Variants in ATP6V0D2 observed in about 807,000 individuals in gnomAD.
ATP6V0D2 encodes the protein ATPase H+ transporting V0 subunit d2.
In ATP6V0D2, 40 loss-of-function variants were observed where a neutral mutation model predicts 40.0. The ratio of observed to expected loss-of-function variants is 1.00; its 90% CI spans 0.78 to 1.30. ATP6V0D2 has a LOEUF of 1.30. Among genes scored for constraint, ATP6V0D2 ranks in the 50% most tolerant of loss-of-function variants. The pLI is 0.00. For synonymous variants in ATP6V0D2, 179 were observed against 156.3 expected (o/e 1.15, Z -1.08); for missense variants, 470 against 423.1 (o/e 1.11, Z -0.97).
At position 86,153,181 on chromosome 8, in the gene ATP6V0D2, C is replaced by A; in HGVS notation, c.*204C>A. ...TTTCAGTGGTATTAGATCTTGTTTC[C>A]ACATGTCTGTCTCATTCTTCACTGG... On this transcript the variant is annotated 3_prime_UTR_variant, in exon 8 of 8. Coordinates refer to ENST00000285393, the MANE Select transcript of ATP6V0D2 (RefSeq NM_152565.1). 2.6e-6 allele frequency: 1 copy of A among 388,650 alleles called. No homozygotes were observed. Among genetic ancestry groups the A allele is most frequent in the Non-Finnish European group, 4.4e-6 (1 of 224,734 alleles). The allele number at this position is 388,650 out of a possible 1,614,324, so 24.1% of individuals were successfully genotyped here.
chr8:86,144,946 G>T (rs1234874258), intron 5 of ATP6V0D2, among the ~76,000 whole-genome samples: 1 of 151,244 alleles, frequency 6.6e-6, no homozygotes, highest in Admixed American at 6.6e-5. Flanking sequence ...CCTGAGGTTG[G>T]GAGTTCGAGA....
chr8:86,113,044 G>T (rs1818544602), intron 1 of ATP6V0D2, among the ~76,000 whole-genome samples: 2 of 151,876 alleles, frequency 1.3e-5, no homozygotes, highest in African/African-American at 2.4e-5. Flanking sequence ...AAGTTGGGAT[G>T]GAGCATTTGT....
intron 2 of ATP6V0D2, among the ~76,000 whole-genome samples, chr8:86,124,023 T>C (rs1294457464): frequency 2.0e-5 from 3 of 152,168 alleles, no homozygotes; most frequent in South Asian, 2.1e-4. Flanking sequence ...GTTTCAACAA[T>C]CAAATTTCTA....
At chr8:86,141,309 C>G (rs1037261542) in intron 3 of ATP6V0D2, 141 bp from the exon 4 acceptor site, 8 of 558,402 alleles carry the variant, frequency 1.4e-5, no homozygotes, top group Non-Finnish European at 2.2e-5. Context: ...ACTATTAGCC[C>G]TATTTAGTGG....
At position 86,153,281 on chromosome 8, in the gene ATP6V0D2, A is replaced by C; in HGVS notation, c.*304A>C. The stretch of plus-strand genomic sequence containing the variant: ...TTTGATCATGTTAAAAATTGGACCT[A>C]ATAAAAGTATTTTATTCTTGCTTTT... On this transcript the variant is annotated 3_prime_UTR_variant, in exon 8 of 8. Coordinates refer to ENST00000285393, the MANE Select transcript of ATP6V0D2 (RefSeq NM_152565.1). The C allele has an allele frequency of 5.3e-6, 1 of 187,552 alleles. No individual in the cohort carries two copies. The highest frequency in any genetic ancestry group is 1.1e-5 in the Non-Finnish European group (1 of 91,844). The allele number at this position is 187,552 out of a possible 1,614,324, so 11.6% of individuals were successfully genotyped here. A position where few individuals can be genotyped will look rare whatever the true frequency, so the allele number is the denominator to read the frequency against.
At position 86,126,262 on chromosome 8, in the gene ATP6V0D2, A is replaced by ATATATATATATATATATATC. The variant is rs1191399026; in HGVS notation, c.302+12383_302+12384insATATATATATATATATATCT. 1.7e-4 allele frequency among the ~76,000 whole-genome samples: 22 copies of ATATATATATATATATATATC among 131,330 alleles called. 1 individual carries two copies. Among genetic ancestry groups the ATATATATATATATATATATC allele is most frequent in the Non-Finnish European group, 2.8e-4 (17 of 60,414 alleles). 86.2% of individuals were successfully genotyped at this position (131,330 alleles called of 152,430 possible). A position where few individuals can be genotyped will look rare whatever the true frequency, so the allele number is the denominator to read the frequency against. On this transcript the variant is annotated intron_variant, in intron 2 of 7. Coordinates refer to ENST00000285393, the MANE Select transcript of ATP6V0D2 (RefSeq NM_152565.1). ...TATATATATATATATATATATATATATCTTTTTGTATATAGTATAAAGTTC... is the reference window on the plus strand; with the variant it reads ...TATATATATATATATATATATATATATATATATATATATATATATCTCTTTTTGTATATAGTATAAAGTTC...
At chr8:86,128,155 TGGCCAA>T (rs1818771390) in intron 2 of ATP6V0D2, among the ~76,000 whole-genome samples, 1 of 152,116 alleles carries the variant, frequency 6.6e-6, no homozygotes, top group African/African-American at 2.4e-5. Context: ...GAGACCAGCC[TGGCCAA>T]CATGGTGAAA....
intron 2 of ATP6V0D2, among the ~76,000 whole-genome samples, chr8:86,132,297 T>C (rs937787022): frequency 1.3e-5 from 2 of 152,186 alleles, no homozygotes; most frequent in African/African-American, 4.8e-5. Context: ...TCAGGGTATC[T>C]GAGGAGTCTA....
intron 1 of ATP6V0D2, among the ~76,000 whole-genome samples, chr8:86,099,442 A>G (rs1818363673): frequency 6.6e-6 from 1 of 152,172 alleles, no homozygotes; most frequent in African/African-American, 2.4e-5. Context: ...ATACCTTGAA[A>G]TGTCATGTAT....
In ATP6V0D2 at chr8:86,148,865, A is replaced by G. The variant is rs552711580; in HGVS notation, c.640-1247A>G. 7.9e-5 allele frequency among the ~76,000 whole-genome samples: 12 copies of G among 151,902 alleles called. No individual in the cohort carries two copies. In the South Asian group the frequency reaches 2.5e-3, roughly 32 times the overall value. ...GGACAGAGGCTTTCTTGAGCCTAGGAGTTCAAGACCAACCTGGGCATTATG... is the reference window on the plus strand; with the variant it reads ...GGACAGAGGCTTTCTTGAGCCTAGGGGTTCAAGACCAACCTGGGCATTATG... On this transcript the variant is annotated intron_variant, in intron 5 of 7. Coordinates refer to ENST00000285393, the MANE Select transcript of ATP6V0D2 (RefSeq NM_152565.1).
chr8:86,139,407 C>T, intron 2 of ATP6V0D2, 50 bp from the exon 3 acceptor site: 1 of 1,511,230 alleles, frequency 6.6e-7, no homozygotes, highest in Non-Finnish European at 9.0e-7. Flanking sequence ...TGGGATGCTT[C>T]TTATCCTTTT....
intron 1 of ATP6V0D2, among the ~76,000 whole-genome samples, chr8:86,109,629 A>G (rs899636923): frequency 5.9e-5 from 9 of 152,224 alleles, no homozygotes; most frequent in African/African-American, 2.2e-4. Flanking sequence ...GTTTTGAAAG[A>G]AATACCATTT....
intron 2 of ATP6V0D2, among the ~76,000 whole-genome samples, chr8:86,120,704 C>A (rs1818658196): frequency 6.6e-6 from 1 of 152,160 alleles, no homozygotes; most frequent in Non-Finnish European, 1.5e-5. Flanking sequence ...TACACAAGAA[C>A]CCTGCAAAAC....
intron 1 of ATP6V0D2, among the ~76,000 whole-genome samples, chr8:86,108,109 C>T (rs1382366673): frequency 1.3e-5 from 2 of 152,102 alleles, no homozygotes; most frequent in African/African-American, 4.8e-5. Context: ...TATGCTGGCT[C>T]TTTACCTACC....
chr8:86,139,105 G>A (rs1316805000), intron 2 of ATP6V0D2, among the ~76,000 whole-genome samples: 3 of 151,880 alleles, frequency 2.0e-5, no homozygotes, highest in Non-Finnish European at 4.4e-5. Context: ...GTGAGAGCTT[G>A]TAATCCCAGC....
At chr8:86,130,138 C>T (rs547019297) in intron 2 of ATP6V0D2, among the ~76,000 whole-genome samples, 2 of 152,150 alleles carry the variant, frequency 1.3e-5, no homozygotes, top group Non-Finnish European at 2.9e-5. Flanking sequence ...GATATTTTTT[C>T]AGCTGTTTCC....
At chr8:86,114,959 T>C (rs1818574400) in intron 2 of ATP6V0D2, among the ~76,000 whole-genome samples, 1 of 151,992 alleles carries the variant, frequency 6.6e-6, no homozygotes, top group Non-Finnish European at 1.5e-5. Context: ...AAAATATCAA[T>C]GAAAAAATGC....
At position 86,139,440 on chromosome 8, in the gene ATP6V0D2, G is replaced by C. The variant is rs937458980; in HGVS notation, c.303-17G>C. 3.1e-6 allele frequency: 5 copies of C among 1,587,876 alleles called. No homozygotes were observed. In the African/African-American group the frequency reaches 5.4e-5, roughly 17 times the overall value. ...TTTGCAGCTGTCCTCTAATGATTGA[G>C]TTGTCTTCTGAACCAGGTGCAGTTA... is the stretch of plus-strand genomic sequence containing the variant. On this transcript the variant is annotated splice_polypyrimidine_tract_variant and intron_variant, in intron 2 of 7. Coordinates refer to ENST00000285393, the MANE Select transcript of ATP6V0D2 (RefSeq NM_152565.1).
At chr8:86,105,737 C>A (rs541985692) in intron 1 of ATP6V0D2, among the ~76,000 whole-genome samples, 74 of 149,636 alleles carry the variant, frequency 4.9e-4, no homozygotes, top group African/African-American at 1.8e-3. Context: ...GCCTCAGTCT[C>A]CCGAGTAGCT....
Sources: gnomAD v4.1 joint callset for allele counts (sites outside exome capture counted in the v4.1 genomes callset) on GRCh38, gnomAD v4.1.1 for gene constraint, MANE v1.5 for transcripts, NCBI Gene and HGNC (gene_info 2026-07-23, HGNC 2026-07-21) for gene names.